The following VRK2 variants were observed in gnomAD, a reference collection of about 807,000 sequenced individuals.
The protein encoded by VRK2 is VRK serine/threonine kinase 2, also known as serine/threonine-protein kinase VRK2.
VRK2 carries 60 observed loss-of-function variants against 57.6 expected under a neutral mutation model. That is an observed-to-expected ratio of 1.04 (90% CI 0.85 to 1.29). VRK2 has a LOEUF of 1.29. Among genes scored for constraint, VRK2 ranks in the 50% most tolerant of loss-of-function variants. The pLI is 0.00. For synonymous variants in VRK2, 231 were observed against 199.2 expected (o/e 1.16, Z -1.35); for missense variants, 705 against 588.1 (o/e 1.20, Z -2.06).
intron 10 of VRK2, among the ~76,000 whole-genome samples, chr2:58,137,219 T>TC (rs1291609198): frequency 0.039 from 2,340 of 60,216 alleles, 449 homozygotes; most frequent in African/African-American, 0.22. Context: ...ATGATACATA[T>TC]ATATCATATG....
chr2:58,053,678 C>A (rs540934271), intron 2 of VRK2, among the ~76,000 whole-genome samples: 1 of 152,198 alleles, frequency 6.6e-6, no homozygotes, highest in East Asian at 1.9e-4. Context: ...AGTGATAATA[C>A]TAGCAACAAA....
intron 8 of VRK2, among the ~76,000 whole-genome samples, chr2:58,130,559 G>T (rs1365259456): frequency 6.6e-6 from 1 of 152,152 alleles, no homozygotes; most frequent in Admixed American, 6.5e-5. Flanking sequence ...CATGTCTTCT[G>T]CTTTTATAAT....
At chr2:58,134,962 T>C (rs911680324) in intron 9 of VRK2, among the ~76,000 whole-genome samples, 179 bp from the exon 10 acceptor site, 4 of 152,152 alleles carry the variant, frequency 2.6e-5, no homozygotes, top group African/African-American at 9.7e-5. Flanking sequence ...TTTGTGGGCA[T>C]TGAGGGTTCT....
At chr2:57,957,616 T>TTATATATATTTCTATATA (rs1249015969) in intron 1 of VRK2, among the ~76,000 whole-genome samples, 1 of 143,130 alleles carries the variant, frequency 7.0e-6, no homozygotes, top group Non-Finnish European at 1.5e-5. Context: ...ATATACTATA[T>TTATATATATTTCTATATA]TATATATATT....
At chr2:57,955,371 AT>A (rs1671549895) in intron 1 of VRK2, among the ~76,000 whole-genome samples, 2 of 151,962 alleles carry the variant, frequency 1.3e-5, no homozygotes, top group Admixed American at 1.3e-4. Flanking sequence ...ATGCAAACAC[AT>A]AAATATATCT....
intron 1 of VRK2, among the ~76,000 whole-genome samples, chr2:57,991,419 G>T (rs1329236554): frequency 2.0e-5 from 3 of 151,572 alleles, no homozygotes; most frequent in Non-Finnish European, 4.4e-5. Flanking sequence ...CTGTCGTGAA[G>T]AATCTGGATA....
chr2:58,055,783 A>G (rs1187689203), intron 2 of VRK2, among the ~76,000 whole-genome samples: 2 of 152,186 alleles, frequency 1.3e-5, no homozygotes, highest in Non-Finnish European at 2.9e-5. Flanking sequence ...AACTCCAAAT[A>G]AAAGACCTTC....
At chr2:57,961,409 G>C (rs1448551669) in intron 1 of VRK2, among the ~76,000 whole-genome samples, 2 of 152,082 alleles carry the variant, frequency 1.3e-5, no homozygotes, top group Non-Finnish European at 2.9e-5. Context: ...AGGATGATGA[G>C]ACAAGACAAT....
At chr2:57,954,805 G>A (rs948608718) in intron 1 of VRK2, among the ~76,000 whole-genome samples, 20 of 151,954 alleles carry the variant, frequency 1.3e-4, no homozygotes, top group Admixed American at 6.6e-5. Flanking sequence ...ATCACTACTC[G>A]GGAAGAAAAG....
chr2:57,947,320 A>G lies in VRK2; in HGVS notation c.-439+39481A>G, dbSNP rs116304120. On this transcript the variant is annotated intron_variant, in intron 1 of 15. Coordinates refer to the VRK2 transcript ENST00000417641. The stretch of plus-strand genomic sequence containing the variant: ...ATATTAATATTCCTGGATTAGTATT[A>G]GTATGTAATATGTTGTTGGGCACCA... 5.4e-3 allele frequency among the ~76,000 whole-genome samples: 821 copies of G among 152,284 alleles called. 4 individuals are homozygous for G. The highest frequency in any genetic ancestry group is 8.9e-3 in the Non-Finnish European group (605 of 68,002).
chr2:57,937,823 C>A (rs1670963327), intron 1 of VRK2, among the ~76,000 whole-genome samples: 1 of 131,938 alleles, frequency 7.6e-6, no homozygotes, highest in African/African-American at 2.8e-5. Flanking sequence ...TATTGTTTAT[C>A]TTTCTTTTTT....
intron 2 of VRK2, 32 bp downstream of exon 2, chr2:58,048,999 T>G: frequency 6.2e-7 from 1 of 1,603,762 alleles, no homozygotes; most frequent in Non-Finnish European, 8.5e-7. Context: ...ACAATTATTC[T>G]TATATCTGTG....
At chr2:58,090,937 A>T (rs553397272) in intron 7 of VRK2, among the ~76,000 whole-genome samples, 1 of 152,344 alleles carries the variant, frequency 6.6e-6, no homozygotes, top group South Asian at 2.1e-4. Flanking sequence ...TTTACTATGT[A>T]AAAGAAGCCA....
At chr2:58,121,537 CA>C (rs1677507984) in intron 7 of VRK2, among the ~76,000 whole-genome samples, 1 of 152,130 alleles carries the variant, frequency 6.6e-6, no homozygotes, top group Non-Finnish European at 1.5e-5. Flanking sequence ...GAAAGAGAGA[CA>C]AACTGAAATA....
At chr2:58,154,869 C>T (rs1332727347) in intron 12 of VRK2, 1 of 640,548 alleles carries the variant, frequency 1.6e-6, no homozygotes, top group Non-Finnish European at 2.9e-6. Context: ...AATATTTATA[C>T]ATTTCAATTT....
At chr2:57,975,818 G>A (rs1672235134) in intron 1 of VRK2, among the ~76,000 whole-genome samples, 1 of 151,454 alleles carries the variant, frequency 6.6e-6, no homozygotes, top group African/African-American at 2.4e-5. Flanking sequence ...TTGTTACATG[G>A]GTAAGTTGCA....
intron 1 of VRK2, among the ~76,000 whole-genome samples, chr2:57,956,004 A>C (rs1265462355): frequency 2.0e-5 from 3 of 152,200 alleles, no homozygotes; most frequent in Middle Eastern, 3.2e-3. Flanking sequence ...TGAAAATAAA[A>C]GTGTCCTATT....
chr2:58,067,654 G>A (rs964983125), intron 2 of VRK2, among the ~76,000 whole-genome samples: 6 of 151,882 alleles, frequency 4.0e-5, no homozygotes, highest in African/African-American at 1.5e-4. Flanking sequence ...GTCCTGCTTA[G>A]GCTATATCTC....
intron 8 of VRK2, among the ~76,000 whole-genome samples, chr2:58,125,965 A>G (rs943355991): frequency 3.9e-5 from 6 of 152,108 alleles, no homozygotes; most frequent in Non-Finnish European, 8.8e-5. Flanking sequence ...TCATTTAGCC[A>G]TATCTAGAAA....
Sources: allele counts gnomAD v4.1 joint callset (sites outside exome capture counted in the v4.1 genomes callset), GRCh38; gene constraint gnomAD v4.1.1; transcripts MANE v1.5; gene names NCBI Gene and HGNC (gene_info 2026-07-23, HGNC 2026-07-21).